The following TBCK variants were observed in gnomAD, a reference collection of about 807,000 sequenced individuals.
TBCK encodes the protein TBC domain-containing protein kinase-like protein.
Under a neutral mutation model 113.4 loss-of-function variants are expected in TBCK, and 99 were observed. The ratio of observed to expected loss-of-function variants is 0.87; its 90% confidence interval spans 0.74 to 1.03. The LOEUF is 1.03. Among genes scored for constraint, TBCK ranks in the 50% least tolerant of loss-of-function variants. The probability of loss-of-function intolerance (pLI) is 0.00; values close to 1 mark genes in which losing one functional copy is unlikely to be tolerated. For synonymous variants in TBCK, 369 were observed against 370.8 expected (o/e 1.00, Z 0.05); for missense variants, 1,045 against 1,061.3 (o/e 0.98, Z 0.21).
intron 22 of TBCK, among the ~76,000 whole-genome samples, chr4:106,190,213 A>G (rs1212382983): frequency 6.6e-6 from 1 of 152,202 alleles, no homozygotes; most frequent in East Asian, 1.9e-4. Context: ...TATTTAATTT[A>G]TATTTATCCC....
Position 106,194,707 on chromosome 4 carries a change from G to C in TBCK, c.1897+11C>G. 6.3e-7 allele frequency: 1 copy of C among 1,592,980 alleles called. No individual in the cohort carries two copies. The highest frequency in any genetic ancestry group is 8.5e-7 in the Non-Finnish European group (1 of 1,172,060). ...TACAATATCAAAAAAACCGGGGGAAGTCATACTTACGAGTAAACATGGTAA... is the reference window on the plus strand; with the variant it reads ...TACAATATCAAAAAAACCGGGGGAACTCATACTTACGAGTAAACATGGTAA... On this transcript the variant is annotated intron_variant, in intron 21 of 25. Coordinates refer to ENST00000394708, the MANE Select transcript of TBCK (RefSeq NM_001163435.3).
chr4:106,270,167 G>GTATACAATATACAA (rs1763350151), intron 3 of TBCK, among the ~76,000 whole-genome samples: 1 of 152,126 alleles, frequency 6.6e-6, no homozygotes, highest in Non-Finnish European at 1.5e-5. Flanking sequence ...TATATCATAT[G>GTATACAATATACAA]TATATATCCT....
At chr4:106,169,763 A>C (rs1750777365) in intron 23 of TBCK, among the ~76,000 whole-genome samples, 2 of 152,196 alleles carry the variant, frequency 1.3e-5, no homozygotes, top group South Asian at 4.1e-4. Flanking sequence ...CATAATGTAC[A>C]ATCAGTGGGA....
chr4:106,299,368 T>G (rs564837482), intron 2 of TBCK, among the ~76,000 whole-genome samples: 83 of 152,302 alleles, frequency 5.4e-4, no homozygotes, highest in Admixed American at 1.5e-3. Context: ...ACAAAATAAT[T>G]TATTAAAATG....
chr4:106,047,134 G>C (rs1270717090), intron 25 of TBCK, among the ~76,000 whole-genome samples: 1 of 152,000 alleles, frequency 6.6e-6, no homozygotes, highest in Non-Finnish European at 1.5e-5. Context: ...GTCCCACAGA[G>C]AGCCCATAAA....
chr4:106,122,568 G>A (rs986856926), intron 23 of TBCK, among the ~76,000 whole-genome samples: 2 of 152,040 alleles, frequency 1.3e-5, no homozygotes, highest in African/African-American at 2.4e-5. Flanking sequence ...CAGAGACACA[G>A]CAAAAAAAGC....
At chr4:106,220,388 G>GT (rs1274851594) in intron 19 of TBCK, among the ~76,000 whole-genome samples, 1 of 152,128 alleles carries the variant, frequency 6.6e-6, no homozygotes, top group African/African-American at 2.4e-5. Context: ...ATGTGGAAAT[G>GT]TAAGTCCAAT....
At chr4:106,062,904 GA>G (rs1167975892) in intron 25 of TBCK, among the ~76,000 whole-genome samples, 1 of 151,834 alleles carries the variant, frequency 6.6e-6, no homozygotes, top group African/African-American at 2.4e-5. Flanking sequence ...AAAAAACCAA[GA>G]AAACCAATGT....
intron 25 of TBCK, among the ~76,000 whole-genome samples, chr4:106,091,464 GT>G (rs1456583478): frequency 2.0e-5 from 3 of 152,214 alleles, no homozygotes; most frequent in Admixed American, 2.0e-4. Flanking sequence ...GAGTGTTACA[GT>G]TCTTAAAGGC....
chr4:106,312,927 AG>A (rs1360293199), intron 1 of TBCK, among the ~76,000 whole-genome samples: 2 of 152,172 alleles, frequency 1.3e-5, no homozygotes, highest in Non-Finnish European at 2.9e-5. Flanking sequence ...GATGGGGGAG[AG>A]GGGTTGAATA....
At chr4:106,103,026 A>C (rs1741726085) in intron 24 of TBCK, among the ~76,000 whole-genome samples, 1 of 152,222 alleles carries the variant, frequency 6.6e-6, no homozygotes, top group African/African-American at 2.4e-5. Flanking sequence ...TACTTTAAAA[A>C]TATTATTAAA....
chr4:106,189,837 C>G (rs1485439042), intron 22 of TBCK, among the ~76,000 whole-genome samples: 1 of 152,114 alleles, frequency 6.6e-6, no homozygotes, highest in East Asian at 1.9e-4. Context: ...TCTCCATTCA[C>G]TTTTCTAGCC....
intron 24 of TBCK, 72 bp from the exon 25 acceptor site, chr4:106,095,713 T>A: frequency 1.4e-6 from 2 of 1,388,710 alleles, no homozygotes; most frequent in Non-Finnish European, 2.0e-6. Flanking sequence ...CTCACAGAGC[T>A]AAGTGACTCC....
chr4:106,206,162 A>G (rs1755474356), intron 20 of TBCK, among the ~76,000 whole-genome samples: 1 of 152,204 alleles, frequency 6.6e-6, no homozygotes, highest in Non-Finnish European at 1.5e-5. Flanking sequence ...ATGTTTTAGA[A>G]CTGCTCCATT....
In TBCK at chr4:106,281,255, T is replaced by G. The variant is rs190165504; in HGVS notation, c.266+13839A>C. Among the ~76,000 whole-genome samples, 10 of 152,254 alleles carry G rather than the reference T, an allele frequency of 6.6e-5. No homozygotes were observed. The East Asian group carries it at 1.9e-3, about 29-fold the overall frequency. On this transcript the variant is annotated intron_variant, in intron 3 of 25. Transcript: ENST00000394708. Reference sequence around the variant, plus strand: ...AGAAATGTTACTGATTTTTATCTTTTGATTTTGTATCATGCAACTTTACTG... The same window carrying G: ...AGAAATGTTACTGATTTTTATCTTTGGATTTTGTATCATGCAACTTTACTG...
intron 25 of TBCK, among the ~76,000 whole-genome samples, chr4:106,091,188 A>G (rs1488470393): frequency 1.3e-5 from 2 of 152,224 alleles, no homozygotes; most frequent in African/African-American, 4.8e-5. Context: ...GAAACCTCAC[A>G]AAGCTTACAA....
chr4:106,150,069 T>G (rs563018232), intron 23 of TBCK, among the ~76,000 whole-genome samples: 21 of 152,110 alleles, frequency 1.4e-4, no homozygotes, highest in Admixed American at 2.6e-4. Flanking sequence ...GTAAGAAGAG[T>G]GGGGGAGTCA....
intron 16 of TBCK, among the ~76,000 whole-genome samples, chr4:106,233,337 C>T (rs1759082293): frequency 6.6e-6 from 1 of 151,926 alleles, no homozygotes; most frequent in Admixed American, 6.6e-5. Context: ...CCTTTATAAT[C>T]TGGTCCAAAT....
chr4:106,169,325 T>C (rs369810580), intron 23 of TBCK, among the ~76,000 whole-genome samples: 4 of 151,912 alleles, frequency 2.6e-5, no homozygotes, highest in Admixed American at 6.6e-5. Context: ...CAAAACAGCA[T>C]AGTATTGGCA....
Sources: gnomAD v4.1 joint callset for allele counts (sites outside exome capture counted in the v4.1 genomes callset) on GRCh38, gnomAD v4.1.1 for gene constraint, MANE v1.5 for transcripts, NCBI Gene and HGNC (gene_info 2026-07-23, HGNC 2026-07-21) for gene names.